The following PRKCB variants were observed in gnomAD, a reference collection of about 807,000 sequenced individuals.
The protein encoded by PRKCB is protein kinase C beta type.
In PRKCB, 13 loss-of-function variants were observed where a neutral mutation model predicts 81.5. The observed-to-expected ratio is 0.16, with a 90% CI of 0.10 to 0.25. PRKCB has a LOEUF of 0.25. Among genes scored for constraint, PRKCB ranks in the 10% least tolerant of loss-of-function variants. PRKCB has a pLI of 1.00. For synonymous variants in PRKCB, 335 were observed against 321.4 expected (o/e 1.04, Z -0.45); for missense variants, 509 against 875.7 (o/e 0.58, Z 5.29).
intron 2 of PRKCB, among the ~76,000 whole-genome samples, chr16:23,840,840 C>T (rs1276760668): frequency 1.3e-5 from 2 of 152,062 alleles, no homozygotes; most frequent in Middle Eastern, 3.2e-3. Flanking sequence ...TTCTTGCTTT[C>T]GTATGATGAT....
At chr16:24,163,877 G>A (rs1016459942) in intron 10 of PRKCB, among the ~76,000 whole-genome samples, 2 of 152,202 alleles carry the variant, frequency 1.3e-5, no homozygotes, top group Admixed American at 6.5e-5. Context: ...CAAGTATCCA[G>A]TATAACTGTG....
chr16:23,850,359 A>C (rs564552458), intron 2 of PRKCB, among the ~76,000 whole-genome samples: 2 of 110,878 alleles, frequency 1.8e-5, no homozygotes, highest in Admixed American at 8.8e-5. Flanking sequence ...CTTAAAAAAA[A>C]TTTAATTTAA....
At chr16:23,935,627 G>A (rs762497432) in intron 2 of PRKCB, among the ~76,000 whole-genome samples, 1 of 152,170 alleles carries the variant, frequency 6.6e-6, no homozygotes, top group Middle Eastern at 3.4e-3. Context: ...ACAAAATGCT[G>A]CACTATTCAC....
In PRKCB at chr16:24,218,949, C is replaced by T. The variant is rs1968276186; in HGVS notation, c.*4133C>T. The T allele has an allele frequency of 1.0e-6, 1 of 985,434 alleles. No homozygotes were observed. Among genetic ancestry groups the T allele is most frequent in the South Asian group, 4.7e-5 (1 of 21,284 alleles). The allele number at this position is 985,434 out of a possible 1,614,324, so 61.0% of individuals were successfully genotyped here. A position where few individuals can be genotyped will look rare whatever the true frequency, so the allele number is the denominator to read the frequency against. On this transcript the variant is annotated 3_prime_UTR_variant, in exon 17 of 17. Transcript: ENST00000643927. Reference sequence around the variant, plus strand: ...GGAACCCACTGAAATCTTGGGCAAGCCACCCTGCCTGCTTGTGCCTCGGTT... The same window carrying T: ...GGAACCCACTGAAATCTTGGGCAAGTCACCCTGCCTGCTTGTGCCTCGGTT...
At chr16:24,153,538 G>A (rs972093772) in intron 9 of PRKCB, among the ~76,000 whole-genome samples, 5 of 152,200 alleles carry the variant, frequency 3.3e-5, no homozygotes, top group African/African-American at 7.2e-5. Context: ...AGGACTCTTC[G>A]TAATGGGGTT....
intron 2 of PRKCB, among the ~76,000 whole-genome samples, chr16:23,855,145 C>T (rs1033020421): frequency 3.4e-5 from 5 of 148,704 alleles, no homozygotes; most frequent in Non-Finnish European, 7.4e-5. Context: ...TAAAGAGAGC[C>T]GGCGGGGGAG....
At chr16:24,047,203 G>A (rs776112597) in intron 5 of PRKCB, among the ~76,000 whole-genome samples, 41 of 152,066 alleles carry the variant, frequency 2.7e-4, no homozygotes, top group Non-Finnish European at 4.7e-4. Context: ...TTAGCTGGGC[G>A]TGGTGGTGCG....
intron 5 of PRKCB, among the ~76,000 whole-genome samples, chr16:24,040,269 T>C (rs1453603959): frequency 6.6e-6 from 1 of 152,220 alleles, no homozygotes. Flanking sequence ...GCGATCTCAT[T>C]CTTTATTCAC....
intron 12 of PRKCB, among the ~76,000 whole-genome samples, chr16:24,176,311 G>A (rs1384592664): frequency 1.3e-5 from 2 of 152,162 alleles, no homozygotes; most frequent in Non-Finnish European, 2.9e-5. Context: ...GAATTTAGAA[G>A]CTGAGGCAAG....
chr16:23,991,962 T>C (rs1403847914), intron 3 of PRKCB, among the ~76,000 whole-genome samples: 1 of 152,324 alleles, frequency 6.6e-6, no homozygotes, highest in East Asian at 1.9e-4. Flanking sequence ...ACCCAAGGTA[T>C]GGTGTTAGAA....
chr16:24,178,138 T>C (rs1297544879), intron 12 of PRKCB, among the ~76,000 whole-genome samples: 3 of 152,218 alleles, frequency 2.0e-5, no homozygotes, highest in African/African-American at 7.2e-5. Context: ...TGAAGGATTA[T>C]GTTAGACTTA....
intron 10 of PRKCB, among the ~76,000 whole-genome samples, chr16:24,155,134 T>A (rs1009447577): frequency 6.6e-6 from 1 of 152,330 alleles, no homozygotes; most frequent in African/African-American, 2.4e-5. Context: ...AAGGAGTGAC[T>A]TGGGGACAGG....
intron 5 of PRKCB, among the ~76,000 whole-genome samples, chr16:24,050,312 A>G (rs1483859483): frequency 6.6e-6 from 1 of 152,156 alleles, no homozygotes; most frequent in Non-Finnish European, 1.5e-5. Flanking sequence ...CTTCCTAGAC[A>G]ACACTCCAGT....
At chr16:23,875,723 TCA>T (rs1211027198) in intron 2 of PRKCB, among the ~76,000 whole-genome samples, 1 of 98,856 alleles carries the variant, frequency 1.0e-5, no homozygotes, top group Non-Finnish European at 2.1e-5. Context: ...TGTATGTATA[TCA>T]CACATATATA....
In PRKCB at chr16:23,980,168, T is replaced by A. The variant is rs1461178512; in HGVS notation, c.206-8340T>A. On this transcript the variant is annotated intron_variant, in intron 2 of 16. Transcript: ENST00000643927. ...GTTAAGCACGGATATGAAAGCCCTT[T>A]GCAAACTCAATAGCATGACCCTGTG... Among the ~76,000 whole-genome samples the A allele has an allele frequency of 3.9e-5, 6 of 152,244 alleles. No homozygotes were observed. The East Asian group carries it at 1.2e-3, about 29-fold the overall frequency.
chr16:23,889,189 G>A (rs1037254890), intron 2 of PRKCB, among the ~76,000 whole-genome samples: 2 of 151,328 alleles, frequency 1.3e-5, no homozygotes, highest in South Asian at 2.1e-4. Context: ...CACATTCAAT[G>A]TAGTGTAATG....
At chr16:23,864,563 T>C (rs1375516736) in intron 2 of PRKCB, among the ~76,000 whole-genome samples, 4 of 152,264 alleles carry the variant, frequency 2.6e-5, no homozygotes, top group East Asian at 1.9e-4. Flanking sequence ...TAGATTATGA[T>C]AAGTGATGGA....
At chr16:23,980,711 G>C (rs1352403316) in intron 2 of PRKCB, among the ~76,000 whole-genome samples, 1 of 152,004 alleles carries the variant, frequency 6.6e-6, no homozygotes, top group African/African-American at 2.4e-5. Context: ...ATGGATTTAA[G>C]GGTAAAGGTT....
At chr16:24,174,016 T>TG (rs986303441) in intron 11 of PRKCB, among the ~76,000 whole-genome samples, 10 of 150,768 alleles carry the variant, frequency 6.6e-5, no homozygotes, top group African/African-American at 1.9e-4. Context: ...CTCTCTTTTT[T>TG]GGGGGGGTGG....
Sources: gnomAD v4.1 joint callset for allele counts (sites outside exome capture counted in the v4.1 genomes callset) on GRCh38, gnomAD v4.1.1 for gene constraint, MANE v1.5 for transcripts, NCBI Gene and HGNC (gene_info 2026-07-23, HGNC 2026-07-21) for gene names.